Variants in PSG4 observed in about 807,000 individuals in gnomAD.
PSG4 encodes the protein pregnancy-specific beta-1-glycoprotein 4.
Under a neutral mutation model 44.3 loss-of-function variants are expected in PSG4, and 61 were observed. The ratio of observed to expected loss-of-function variants is 1.38; its 90% CI spans 1.12 to 1.70. The LOEUF (loss-of-function observed/expected upper bound fraction) is 1.70. Ranked by LOEUF, PSG4 falls within the 40% of genes most tolerant of loss-of-function variation. The pLI, the probability that PSG4 is intolerant of heterozygous loss-of-function variation, is 0.00. For missense variants in PSG4, 677 were observed against 511.7 expected (o/e 1.32, Z -3.12); for synonymous variants, 248 against 191.3 (o/e 1.30, Z -2.45).
chr19:43,195,738 C>G (rs908545435), intron 3 of PSG4, among the ~76,000 whole-genome samples: 14 of 150,928 alleles, frequency 9.3e-5, no homozygotes, highest in Admixed American at 2.7e-4. Flanking sequence ...TCCCATTGTC[C>G]TGAAACCCTG....
At chr19:43,193,653 G>A (rs1568381983) in intron 5 of PSG4, 1 of 564,474 alleles carries the variant, frequency 1.8e-6, no homozygotes, top group Non-Finnish European at 3.1e-6. Flanking sequence ...GTTTTTATAA[G>A]GACTCTCAGA....
chr19:43,199,390 C>A (rs774762505), intron 2 of PSG4, among the ~76,000 whole-genome samples: 1 of 145,284 alleles, frequency 6.9e-6, no homozygotes, highest in Non-Finnish European at 1.5e-5. Context: ...CTAGAGATCT[C>A]CTGTACAGCT....
At chr19:43,193,554 T>A (rs1967098623) in intron 5 of PSG4, 166 bp from the exon 6 acceptor site, 7 of 637,792 alleles carry the variant, frequency 1.1e-5, no homozygotes, top group Non-Finnish European at 5.6e-6. Flanking sequence ...AGGTTGAGTT[T>A]CTTCAAACGT....
intron 5 of PSG4, chr19:43,193,703 C>A (rs1246204296): frequency 3.7e-6 from 2 of 542,270 alleles, no homozygotes; most frequent in Admixed American, 7.0e-5. Flanking sequence ...GAAGCCAAAC[C>A]AAGGCTGACT....
In PSG4 at chr19:43,195,233, G is replaced by T. The variant is rs146854398; in HGVS notation, c.750C>A (p.Asn250Lys). The change falls in exon 4 of 6, where the codon AAC (asparagine) becomes AAA (lysine). Residue 250 changes from asparagine to lysine, a missense_variant. Transcript: ENST00000405312. Reference sequence around the variant, plus strand: ...TTAAGACATCCTTATTCTCTCTGGGGTTTAAGTTGTTGATTGTGATGTAGG... The same window carrying T: ...TTAAGACATCCTTATTCTCTCTGGGTTTTAAGTTGTTGATTGTGATGTAGG... ...SKPYITINNLNPRENKDVLTF... is the reference protein window; with the variant it reads ...SKPYITINNLKPRENKDVLTF... 7 of 1,610,254 alleles carry T rather than the reference G, an allele frequency of 4.3e-6. 2 individuals are homozygous for T. Among genetic ancestry groups the T allele is most frequent in the African/African-American group, 2.7e-5 (2 of 74,394 alleles).
chr19:43,200,751 A>T (rs1967472381), intron 2 of PSG4, among the ~76,000 whole-genome samples: 1 of 144,926 alleles, frequency 6.9e-6, no homozygotes, highest in South Asian at 2.2e-4. Flanking sequence ...AATTTTTTGT[A>T]TTTTTAGTAG....
chr19:43,197,629 T>C (rs1967307760), intron 3 of PSG4: 1 of 298,610 alleles, frequency 3.3e-6, no homozygotes, highest in Non-Finnish European at 6.0e-6. Context: ...ACAGGTGACA[T>C]TGTCAGAGGG....
At position 43,204,116 on chromosome 19, in the gene PSG4, C is replaced by T. The variant is rs1276392445; in HGVS notation, c.200G>A (p.Trp67Ter). 2 of 1,586,942 alleles carry T rather than the reference C, an allele frequency of 1.3e-6. No homozygotes were observed. The highest frequency in any genetic ancestry group is 1.7e-5 in the Admixed American group (1 of 58,280). ...GAGGTATGTCATTTGCCCTTTGTAC[C>T]AAATGTAGCCAGCAAGATTCTGGGG... The part of the protein sequence containing the change: ...NLPQNLAGYI[W>*]YKGQMTYLYH... Residue 67 changes from tryptophan to a stop codon, truncating the protein, a stop_gained, in exon 2 of 6, where the codon TGG (tryptophan) becomes TAG (stop). Transcript: ENST00000405312. LOFTEE classifies it high-confidence loss of function.
intron 5 of PSG4, chr19:43,194,087 T>C (rs1000628923): frequency 1.2e-5 from 15 of 1,211,876 alleles, no homozygotes; most frequent in Admixed American, 5.8e-5. Context: ...TTATCCTCAA[T>C]ATTGTCAATT....
Position 43,198,283 on chromosome 19 carries a change from GA to G in PSG4, c.431-9del. ...AGGGCTTGGGAGTCTCCACTGTGCA[GA>G]AAACAGAGAGAGGTTTGCCCTGTGT... On this transcript the variant is annotated splice_polypyrimidine_tract_variant and intron_variant, in intron 2 of 5. Transcript: ENST00000405312. 3.2e-6 allele frequency: 5 copies of G among 1,581,688 alleles called. No homozygotes were observed. The highest frequency in any genetic ancestry group is 4.3e-6 in the Non-Finnish European group (5 of 1,169,106).
In PSG4 at chr19:43,202,748, G is replaced by T. The variant is rs201178446; in HGVS notation, c.430+1138C>A. ...GCACTGACTCTGATGGTTGAGGCAG[G>T]TGATTTAGTTCTGGAGTGCAGACTA... On this transcript the variant is annotated intron_variant, in intron 2 of 5. Coordinates refer to ENST00000405312, the MANE Select transcript of PSG4 (RefSeq NM_002780.5). Among the ~76,000 whole-genome samples the T allele has an allele frequency of 3.3e-3, 468 of 142,316 alleles. 34 individuals are homozygous for T. The highest frequency in any genetic ancestry group is 4.7e-3 in the Non-Finnish European group (307 of 65,840). The allele number at this position is 142,316 out of a possible 152,430, so 93.4% of individuals were successfully genotyped here.
At position 43,204,142 on chromosome 19, in the gene PSG4, C is replaced by A. The variant is rs530064049; in HGVS notation, c.174G>T (p.Leu58Phe). 34 of 1,587,316 alleles carry A rather than the reference C, an allele frequency of 2.1e-5. 6 individuals are homozygous for A. The African/African-American group carries it at 4.2e-4, about 19-fold the overall frequency. The change falls in exon 2 of 6, where the codon TTG (leucine) becomes TTT (phenylalanine). Residue 58 changes from leucine (L) to phenylalanine (F), a missense_variant. Coordinates refer to ENST00000405312, the MANE Select transcript of PSG4 (RefSeq NM_002780.5). ...AAATGTAGCCAGCAAGATTCTGGGGCAAATTGTGGACAAGTAGAAGAACAT... is the reference window on the plus strand; with the variant it reads ...AAATGTAGCCAGCAAGATTCTGGGGAAAATTGTGGACAAGTAGAAGAACAT... ...GKDVLLLVHN[L>F]PQNLAGYIWY...
intron 1 of PSG4, chr19:43,204,456 C>A: frequency 1.3e-6 from 1 of 749,132 alleles, no homozygotes. Flanking sequence ...GACCCCCATT[C>A]CTTCAACACT....
chr19:43,199,502 A>G (rs1480407817), intron 2 of PSG4, among the ~76,000 whole-genome samples: 2 of 145,750 alleles, frequency 1.4e-5, no homozygotes, highest in Non-Finnish European at 1.5e-5. Context: ...TTTGCAGTAC[A>G]TGTACTGGTT....
At position 43,205,596 on chromosome 19, in the gene PSG4, T is replaced by C. The variant is rs189777223; in HGVS notation, c.-60A>G. 173 of 1,459,778 alleles carry C rather than the reference T, an allele frequency of 1.2e-4. 13 individuals are homozygous for C. In the Middle Eastern group the frequency reaches 1.8e-3, roughly 15 times the overall value. The allele number at this position is 1,459,778 out of a possible 1,614,324, so 90.4% of individuals were successfully genotyped here. ...ATAAGCCTAGGATCCAGAAGCTTCC[T>C]GAGTACGGCTGTCAGCTGTGCTGTC... On this transcript the variant is annotated 5_prime_UTR_variant, in exon 1 of 6. Coordinates refer to ENST00000405312, the MANE Select transcript of PSG4 (RefSeq NM_002780.5).
At chr19:43,204,700 C>CCCCCCG (rs1568391390) in intron 1 of PSG4, 1 of 195,038 alleles carries the variant, frequency 5.1e-6, no homozygotes, top group South Asian at 5.9e-5. Context: ...GTCTTCCCCC[C>CCCCCCG]ACGATGACTG....
chr19:43,195,547 C>A (rs959087066), intron 3 of PSG4, among the ~76,000 whole-genome samples: 2 of 151,334 alleles, frequency 1.3e-5, no homozygotes, highest in South Asian at 2.1e-4. Flanking sequence ...GGAGTCACAG[C>A]CCCTTGTACC....
At position 43,194,984 on chromosome 19, in the gene PSG4, A is replaced by T. The variant is rs557115546; in HGVS notation, c.988+11T>A. On this transcript the variant is annotated intron_variant, in intron 4 of 5. Coordinates refer to ENST00000405312, the MANE Select transcript of PSG4 (RefSeq NM_002780.5). Reference sequence around the variant, plus strand: ...GGTGTCCTGGCCCACAGAGGAACAAAAGATACTCACAGAGGACATTCAGGG... The same window carrying T: ...GGTGTCCTGGCCCACAGAGGAACAATAGATACTCACAGAGGACATTCAGGG... 1 of 1,609,706 alleles carries T rather than the reference A, an allele frequency of 6.2e-7. No homozygotes were observed. The highest frequency in any genetic ancestry group is 1.3e-5 in the African/African-American group (1 of 74,562).
chr19:43,193,565 G>C (rs1967099215), intron 5 of PSG4, 177 bp from the exon 6 acceptor site: 2 of 625,836 alleles, frequency 3.2e-6, no homozygotes, highest in Non-Finnish European at 5.7e-6. Flanking sequence ...CTTCAAACGT[G>C]GTCTGATTCT....
Sources: gnomAD v4.1 joint callset for allele counts (sites outside exome capture counted in the v4.1 genomes callset) on GRCh38, gnomAD v4.1.1 for gene constraint, MANE v1.5 for transcripts, NCBI Gene and HGNC (gene_info 2026-07-23, HGNC 2026-07-21) for gene names.